The following CENPC variants were observed in gnomAD, a reference collection of about 807,000 sequenced individuals.
CENPC encodes centromere protein C.
CENPC carries 63 observed loss-of-function variants against 112.1 expected under a neutral mutation model. The observed-to-expected ratio is 0.56, with a 90% CI of 0.46 to 0.69. The LOEUF (loss-of-function observed/expected upper bound fraction) is 0.69, where lower values mean the gene tolerates loss of function less well. CENPC is among the 30% of genes least tolerant of loss of function. CENPC has a pLI of 0.00. For missense variants in CENPC, 1,000 were observed against 1,103.8 expected (o/e 0.91, Z 1.33); for synonymous variants, 333 against 367.6 (o/e 0.91, Z 1.08).
chr4:67,497,378 A>T (rs1725465814), intron 12 of CENPC, among the ~76,000 whole-genome samples: 4 of 151,796 alleles, frequency 2.6e-5, no homozygotes, highest in Admixed American at 2.6e-4. Flanking sequence ...ACTCCGTCTT[A>T]AAAAAAAATT....
chr4:67,495,228 G>C lies in CENPC; in HGVS notation c.2132-16C>G. 6.6e-7 allele frequency: 1 copy of C among 1,518,022 alleles called. No individual in the cohort carries two copies. The highest frequency in any genetic ancestry group is 1.3e-5 in the South Asian group (1 of 77,834). 94.0% of individuals were successfully genotyped at this position (1,518,022 alleles called of 1,614,324 possible). A position where few individuals can be genotyped will look rare whatever the true frequency, so the allele number is the denominator to read the frequency against. ...TTTGAGTCATCTACAAAATGCAAAAGATAATATCATAAGAAATGACTGCTA... is the reference window on the plus strand; with the variant it reads ...TTTGAGTCATCTACAAAATGCAAAACATAATATCATAAGAAATGACTGCTA... On this transcript the variant is annotated splice_polypyrimidine_tract_variant and intron_variant, in intron 12 of 18. Coordinates refer to ENST00000273853, the MANE Select transcript of CENPC (RefSeq NM_001812.4).
intron 12 of CENPC, among the ~76,000 whole-genome samples, chr4:67,499,001 T>C (rs1385343003): frequency 6.6e-6 from 1 of 152,244 alleles, no homozygotes; most frequent in African/African-American, 2.4e-5. Flanking sequence ...ATGCATGAGC[T>C]GCAGAATGAA....
Position 67,514,218 on chromosome 4 carries a change from G to A in CENPC, c.1300C>T (p.Leu434Phe). ...TCATCTTTAGACTGTCCCACATCAA[G>A]CTGTTCTTCAGCTGGTTTAGCCATG... ...KFMAKPAEEQ[L>F]DVGQSKDENI... The change falls in exon 8 of 19, where the codon CTT becomes TTT. Residue 434 changes from leucine to phenylalanine, a missense_variant. Transcript: ENST00000273853. 6.2e-7 allele frequency: 1 copy of A among 1,613,184 alleles called. No individual in the cohort carries two copies. The highest frequency in any genetic ancestry group is 1.1e-5 in the South Asian group (1 of 91,006).
intron 5 of CENPC, among the ~76,000 whole-genome samples, chr4:67,524,628 G>C (rs746070408): frequency 6.6e-6 from 1 of 152,100 alleles, no homozygotes; most frequent in Non-Finnish European, 1.5e-5. Flanking sequence ...ACTTACAAGG[G>C]ACGTGAGGGA....
intron 4 of CENPC, among the ~76,000 whole-genome samples, chr4:67,538,875 C>G (rs926947711): frequency 1.3e-5 from 2 of 152,118 alleles, no homozygotes; most frequent in Non-Finnish European, 2.9e-5. Flanking sequence ...CTATATTTTG[C>G]TAGTCTTTAT....
chr4:67,514,471 C>T lies in CENPC; in HGVS notation c.1047G>A (p.Lys349=), dbSNP rs1725995240. The T allele has an allele frequency of 3.7e-6, 6 of 1,613,444 alleles. No individual in the cohort carries two copies. Among genetic ancestry groups the T allele is most frequent in the East Asian group, 2.2e-5 (1 of 44,844 alleles). ...AAGTCTTAGGTAATATATTATGATGCTTTTCTCTTGACTTTCTACCTTGAA... is the reference window on the plus strand; with the variant it reads ...AAGTCTTAGGTAATATATTATGATGTTTTTCTCTTGACTTTCTACCTTGAA... The part of the protein sequence containing the change: ...ALLQGRKSRE[K]HHNILPKTLA... Residue 349 remains lysine (K), a synonymous_variant, in exon 8 of 19, where the codon AAG becomes AAA. Transcript: ENST00000273853.
chr4:67,499,332 C>A (rs1725527291), intron 12 of CENPC, among the ~76,000 whole-genome samples: 1 of 152,202 alleles, frequency 6.6e-6, no homozygotes, highest in Non-Finnish European at 1.5e-5. Flanking sequence ...CAATAGAAGG[C>A]TATTTTGTCT....
In CENPC at chr4:67,535,435, T is replaced by C. The variant is rs536273598; in HGVS notation, c.231+4405A>G. The stretch of plus-strand genomic sequence containing the variant: ...CCTATGTGATAGGTCTAAGGGTAGA[T>C]TGAAGAAAAAAAAAAGAGCAGGGAC... On this transcript the variant is annotated intron_variant, in intron 4 of 18. Transcript: ENST00000273853. 2.6e-4 allele frequency among the ~76,000 whole-genome samples: 39 copies of C among 151,220 alleles called. No homozygotes were observed. In the South Asian group the frequency reaches 6.2e-3, roughly 24 times the overall value.
At chr4:67,475,189 T>C (rs1029035906) in intron 17 of CENPC, among the ~76,000 whole-genome samples, 3 of 152,148 alleles carry the variant, frequency 2.0e-5, no homozygotes, top group Non-Finnish European at 2.9e-5. Flanking sequence ...TCTAATCACA[T>C]TAAGCCCTTA....
intron 11 of CENPC, among the ~76,000 whole-genome samples, 185 bp downstream of exon 11, chr4:67,506,603 A>G (rs1310571779): frequency 6.6e-6 from 1 of 152,166 alleles, no homozygotes; most frequent in Non-Finnish European, 1.5e-5. Flanking sequence ...GATGACTGCT[A>G]CCTCCTGAGA....
At chr4:67,538,634 T>A (rs543641976) in intron 4 of CENPC, among the ~76,000 whole-genome samples, 1 of 152,192 alleles carries the variant, frequency 6.6e-6, no homozygotes, top group Non-Finnish European at 1.5e-5. Flanking sequence ...GACGGTTACA[T>A]AGAGAAAACT....
intron 2 of CENPC, among the ~76,000 whole-genome samples, chr4:67,543,278 T>C (rs1726937943): frequency 6.6e-6 from 1 of 152,218 alleles, no homozygotes; most frequent in Admixed American, 6.5e-5. Flanking sequence ...CTGACAAATA[T>C]ATGTATTCCT....
At chr4:67,486,909 G>T (rs1725107890) in intron 17 of CENPC, among the ~76,000 whole-genome samples, 1 of 147,802 alleles carries the variant, frequency 6.8e-6, no homozygotes, top group Admixed American at 6.8e-5. Flanking sequence ...TTTATTTCTT[G>T]TAAACTGGTA....
chr4:67,535,799 G>A (rs545580724), intron 4 of CENPC, among the ~76,000 whole-genome samples: 39 of 152,058 alleles, frequency 2.6e-4, no homozygotes, highest in Admixed American at 1.8e-3. Context: ...TTCCATAGTA[G>A]AAAGCCAATA....
intron 17 of CENPC, among the ~76,000 whole-genome samples, chr4:67,489,757 C>G (rs1725187987): frequency 6.6e-6 from 1 of 152,050 alleles, no homozygotes; most frequent in Non-Finnish European, 1.5e-5. Flanking sequence ...ATTTCTGAAT[C>G]TCAAAATACA....
intron 17 of CENPC, among the ~76,000 whole-genome samples, chr4:67,485,314 T>C (rs968241402): frequency 2.0e-5 from 3 of 152,166 alleles, no homozygotes; most frequent in Non-Finnish European, 1.5e-5. Flanking sequence ...TATTCAAACA[T>C]GCCAAATTTC....
At chr4:67,494,916 C>T (rs528501465) in intron 13 of CENPC, among the ~76,000 whole-genome samples, 1 of 152,176 alleles carries the variant, frequency 6.6e-6, no homozygotes, top group East Asian at 1.9e-4. Context: ...AGGATCATGC[C>T]CCCTACTATG....
intron 2 of CENPC, 93 bp from the exon 3 acceptor site, chr4:67,541,143 A>C (rs115973681): frequency 0.015 from 11,509 of 760,318 alleles, 134 homozygotes; most frequent in Non-Finnish European, 0.02. Context: ...ATAAAATATA[A>C]ATTTACTTAA....
intron 9 of CENPC, among the ~76,000 whole-genome samples, chr4:67,509,365 T>TC (rs1345234585): frequency 6.6e-6 from 1 of 152,038 alleles, no homozygotes; most frequent in Non-Finnish European, 1.5e-5. Flanking sequence ...CAAGAAACAC[T>TC]CTCTGGCTCT....
Sources: allele counts gnomAD v4.1 joint callset (sites outside exome capture counted in the v4.1 genomes callset), GRCh38; gene constraint gnomAD v4.1.1; transcripts MANE v1.5; gene names NCBI Gene and HGNC (gene_info 2026-07-23, HGNC 2026-07-21).